ENPP2: variants seen among roughly 807,000 people sequenced by gnomAD.
The protein encoded by ENPP2 is ectonucleotide pyrophosphatase/phosphodiesterase 2.
Under a neutral mutation model 120.2 loss-of-function variants are expected in ENPP2, and 51 were observed. The observed-to-expected ratio is 0.42, with a 90% CI of 0.34 to 0.54. ENPP2 has a LOEUF of 0.54. Ranked by LOEUF, ENPP2 falls within the 20% of genes least tolerant of loss-of-function variation. The pLI is 0.04. For synonymous variants in ENPP2, 365 were observed against 366.4 expected (o/e 1.00, Z 0.04); for missense variants, 920 against 1,066.5 (o/e 0.86, Z 1.91).
intron 22 of ENPP2, among the ~76,000 whole-genome samples, 181 bp downstream of exon 22, chr8:119,567,994 T>A (rs1814617725): frequency 6.6e-6 from 1 of 152,180 alleles, no homozygotes; most frequent in Non-Finnish European, 1.5e-5. Context: ...GTAGAAAGTT[T>A]ACATGAAATC....
chr8:119,605,465 TA>T (rs1563724817), intron 9 of ENPP2, among the ~76,000 whole-genome samples: 2,031 of 146,286 alleles, frequency 0.014, 38 homozygotes, highest in African/African-American at 0.049. Flanking sequence ...TGTGTGTGTG[TA>T]TTTTTTTTTT....
At chr8:119,564,640 T>C (rs1814249044) in intron 23 of ENPP2, among the ~76,000 whole-genome samples, 183 bp downstream of exon 23, 1 of 151,844 alleles carries the variant, frequency 6.6e-6, no homozygotes, top group African/African-American at 2.4e-5. Flanking sequence ...ATCACATCAC[T>C]GCAGTCCAGC....
chr8:119,564,741 T>TAGAG, intron 23 of ENPP2, 82 bp downstream of exon 23: 1 of 1,209,412 alleles, frequency 8.3e-7, no homozygotes. Context: ...ATCTCTTCTC[T>TAGAG]AGTATATGAA....
intron 11 of ENPP2, among the ~76,000 whole-genome samples, chr8:119,596,995 G>A (rs1397719563): frequency 6.6e-6 from 1 of 152,072 alleles, no homozygotes; most frequent in East Asian, 1.9e-4. Flanking sequence ...CTCTCGGAGG[G>A]TGGGTGGGGG....
intron 1 of ENPP2, among the ~76,000 whole-genome samples, chr8:119,647,682 A>T (rs1817511500): frequency 6.6e-6 from 1 of 152,168 alleles, no homozygotes; most frequent in Non-Finnish European, 1.5e-5. Context: ...GAGCAGGGGA[A>T]AAAAGCAATG....
intron 2 of ENPP2, among the ~76,000 whole-genome samples, chr8:119,635,565 G>A (rs939826096): frequency 1.3e-5 from 2 of 152,196 alleles, no homozygotes; most frequent in African/African-American, 4.8e-5. Context: ...GGCAAATCAA[G>A]TGGGCCACAT....
rs561285521 is a variant in ENPP2 at position 119,564,762 on chromosome 8, ACTT to A, written c.2264+58_2264+60del. 2.8e-5 allele frequency: 42 copies of A among 1,510,588 alleles called. 1 individual carries two copies. The East Asian group carries it at 3.9e-4, about 14-fold the overall frequency. 93.6% of individuals were successfully genotyped at this position (1,510,588 alleles called of 1,614,324 possible). ...TCTCTAGTATATGAATATTTGAAAA[ACTT>A]CTTGAGTGAGATCTTGGGACTTAAA... On this transcript the variant is annotated intron_variant, in intron 23 of 24. Coordinates refer to ENST00000075322, the MANE Select transcript of ENPP2 (RefSeq NM_001040092.3).
rs192606268 is a variant in ENPP2, at chr8:119,595,766, G to A, written c.973-1906C>T. On this transcript the variant is annotated intron_variant, in intron 11 of 24. Coordinates refer to ENST00000075322, the MANE Select transcript of ENPP2 (RefSeq NM_001040092.3). Reference sequence around the variant, plus strand: ...GAGTTTTTCTAAAACTTGCTCAGCCGATTTTCCAACCAAGGCACTGAAGGC... The same window carrying A: ...GAGTTTTTCTAAAACTTGCTCAGCCAATTTTCCAACCAAGGCACTGAAGGC... 1.3e-4 allele frequency: 184 copies of A among 1,416,880 alleles called. No individual in the cohort carries two copies. The East Asian group carries it at 2.8e-3, about 21-fold the overall frequency. 87.8% of individuals were successfully genotyped at this position (1,416,880 alleles called of 1,614,324 possible). A position where few individuals can be genotyped will look rare whatever the true frequency, so the allele number is the denominator to read the frequency against.
chr8:119,669,344 C>G (rs970004625), intron 1 of ENPP2, among the ~76,000 whole-genome samples: 32 of 152,182 alleles, frequency 2.1e-4, no homozygotes, highest in African/African-American at 7.7e-4. Context: ...TGAGTATAAC[C>G]ATGTTTCAGG....
Position 119,582,479 on chromosome 8 carries a change from A to G in ENPP2, c.1667T>C (p.Ile556Thr), listed in dbSNP as rs1231459377. The G allele has an allele frequency of 3.1e-6, 5 of 1,614,090 alleles. No individual in the cohort carries two copies. The highest frequency in any genetic ancestry group is 4.2e-6 in the Non-Finnish European group (5 of 1,179,954). The change falls in exon 18 of 25, where the codon ATT becomes ACT. Residue 556 changes from isoleucine to threonine, a missense_variant. By Grantham distance (89) the Ile-to-Thr change is moderately conservative (BLOSUM62 -1). Transcript: ENST00000075322. ...GTCAAAATCAGACTGAAGGTACATAATCCCTGGATAATTGGGTCTGGTAAC... is the reference window on the plus strand; with the variant it reads ...GTCAAAATCAGACTGAAGGTACATAGTCCCTGGATAATTGGGTCTGGTAAC... ...EEVTRPNYPG[I>T]MYLQSDFDLG...
chr8:119,604,678 TGAAA>T (rs1814571894), intron 9 of ENPP2, among the ~76,000 whole-genome samples: 1 of 152,180 alleles, frequency 6.6e-6, no homozygotes, highest in South Asian at 2.1e-4. Context: ...TAGTCAATGT[TGAAA>T]GAGAGAATGT....
chr8:119,604,512 G>A (rs969270808), intron 9 of ENPP2, among the ~76,000 whole-genome samples: 1 of 151,904 alleles, frequency 6.6e-6, no homozygotes, highest in African/African-American at 2.4e-5. Flanking sequence ...AAAAAGAAAT[G>A]GGGTACATGT....
At chr8:119,664,395 T>C (rs2130903919) in intron 1 of ENPP2, among the ~76,000 whole-genome samples, 1 of 152,208 alleles carries the variant, frequency 6.6e-6, no homozygotes, top group South Asian at 2.1e-4. Context: ...ACAGAAAGGA[T>C]GAGAATTCCC....
intron 3 of ENPP2, 37 bp from the exon 4 acceptor site, chr8:119,621,556 C>T (rs1039987529): frequency 1.2e-6 from 2 of 1,604,546 alleles, no homozygotes; most frequent in Non-Finnish European, 1.7e-6. Context: ...CACTGCTGCA[C>T]ACTAACCAAA....
At chr8:119,567,715 G>A (rs993685913) in intron 22 of ENPP2, among the ~76,000 whole-genome samples, 3 of 152,156 alleles carry the variant, frequency 2.0e-5, no homozygotes, top group Admixed American at 6.5e-5. Context: ...AGGTGCTACT[G>A]GCTTTTACTG....
Position 119,616,263 on chromosome 8 carries a change from A to G in ENPP2, c.777+2T>C, listed in dbSNP as rs1298484857. 6.2e-7 allele frequency: 1 copy of G among 1,600,832 alleles called. No homozygotes were observed. Among genetic ancestry groups the G allele is most frequent in the Non-Finnish European group, 8.5e-7 (1 of 1,170,972 alleles). ...TAGACACACAATAAATGCAAAACTT[A>G]CCGGTTGACCTCCCCACCATCTATG... On this transcript the variant is annotated splice_donor_variant, in intron 8 of 24. Coordinates refer to ENST00000075322, the MANE Select transcript of ENPP2 (RefSeq NM_001040092.3). LOFTEE classifies it high-confidence loss of function.
rs1814287977 is a variant in ENPP2, at chr8:119,601,294, T to C, written c.899+103A>G. ...AGGCTAAGAACCACAAAACTTTTAA[T>C]TCCAAACATTGGCTGTGCTTCTATT... On this transcript the variant is annotated intron_variant, in intron 10 of 24. Transcript: ENST00000075322. 8 of 806,742 alleles carry C rather than the reference T, an allele frequency of 9.9e-6. No individual in the cohort carries two copies. The South Asian group carries it at 1.3e-4, about 13-fold the overall frequency. The allele number at this position is 806,742 out of a possible 1,614,324, so 50.0% of individuals were successfully genotyped here. A position where few individuals can be genotyped will look rare whatever the true frequency, so the allele number is the denominator to read the frequency against.
intron 1 of ENPP2, among the ~76,000 whole-genome samples, chr8:119,644,690 A>G (rs1225386555): frequency 1.4e-5 from 2 of 146,632 alleles, no homozygotes; most frequent in South Asian, 2.1e-4. Context: ...ATATATATAT[A>G]CTGGACTTTA....
At chr8:119,625,563 T>C (rs1816211106) in intron 3 of ENPP2, among the ~76,000 whole-genome samples, 1 of 152,284 alleles carries the variant, frequency 6.6e-6, no homozygotes, top group South Asian at 2.1e-4. Context: ...GTTAGGTCTT[T>C]GAAAGAATTG....
Sources: gnomAD v4.1 joint callset for allele counts (sites outside exome capture counted in the v4.1 genomes callset) on GRCh38, gnomAD v4.1.1 for gene constraint, MANE v1.5 for transcripts, NCBI Gene and HGNC (gene_info 2026-07-23, HGNC 2026-07-21) for gene names.